Variants in ADAM28 observed in about 807,000 individuals in gnomAD.
The protein encoded by ADAM28 is disintegrin and metalloproteinase domain-containing protein 28.
A neutral mutation model predicts 101.2 loss-of-function variants in ADAM28; 105 were observed. The observed-to-expected ratio is 1.04, with a 90% CI of 0.89 to 1.22. The LOEUF (loss-of-function observed/expected upper bound fraction) is 1.22, where lower values mean the gene tolerates loss of function less well. Ranked by LOEUF, ADAM28 falls within the 50% of genes most tolerant of loss-of-function variation. The pLI is 0.00. For missense variants in ADAM28, 1,028 were observed against 945.4 expected, an observed-to-expected ratio of 1.09 and a Z score of -1.15; for synonymous variants, 322 against 310.6, an observed-to-expected ratio of 1.04 and a Z score of -0.39.
intron 6 of ADAM28, among the ~76,000 whole-genome samples, chr8:24,315,767 A>G (rs1419853991): frequency 6.6e-6 from 1 of 152,020 alleles, no homozygotes; most frequent in Non-Finnish European, 1.5e-5. Flanking sequence ...TCAATAAAAT[A>G]TTAGCAAATC....
chr8:24,308,915 G>C, intron 2 of ADAM28: 1 of 324,226 alleles, frequency 3.1e-6, no homozygotes, highest in Non-Finnish European at 6.1e-6. Context: ...TTGAGCTTAG[G>C]TGCACCACAG....
chr8:24,354,334 A>AT (rs1346401158), intron 22 of ADAM28, 50 bp from the exon 23 acceptor site: 3 of 1,453,624 alleles, frequency 2.1e-6, no homozygotes, highest in African/African-American at 1.5e-5. Flanking sequence ...AATAGTAAAT[A>AT]TCTAAATTTT....
intron 11 of ADAM28, among the ~76,000 whole-genome samples, chr8:24,330,598 A>G (rs1813243325): frequency 6.6e-6 from 1 of 152,152 alleles, no homozygotes; most frequent in South Asian, 2.1e-4. Context: ...TTCTATACAT[A>G]CAGCTCACTC....
rs996228577 is a variant in ADAM28, at chr8:24,355,965, G to C, written c.*1561G>C. The C allele has an allele frequency of 3.9e-5, 6 of 151,984 alleles. No homozygotes were observed. The highest frequency in any genetic ancestry group is 7.4e-5 in the Non-Finnish European group (5 of 67,998). 9.4% of individuals were successfully genotyped at this position (151,984 alleles called of 1,614,324 possible). A position where few individuals can be genotyped will look rare whatever the true frequency, so the allele number is the denominator to read the frequency against. On this transcript the variant is annotated 3_prime_UTR_variant, in exon 23 of 23. Transcript: ENST00000265769. The stretch of plus-strand genomic sequence containing the variant: ...ACCCATTTCTATCAATCACTTACCT[G>C]GTCCCCACAGGCCTGTCGCTTCATG...
intron 6 of ADAM28, 72 bp from the exon 7 acceptor site, chr8:24,320,164 C>T: frequency 1.8e-6 from 2 of 1,109,138 alleles, no homozygotes; most frequent in Admixed American, 4.0e-5. Context: ...TATAAAATTA[C>T]AGATGTCAAA....
chr8:24,339,990 C>T (rs1457062597), intron 15 of ADAM28, among the ~76,000 whole-genome samples: 2 of 152,096 alleles, frequency 1.3e-5, no homozygotes, highest in African/African-American at 4.8e-5. Context: ...AGATGCAGTG[C>T]TTGAACAGTT....
chr8:24,341,790 G>A (rs748221558), intron 16 of ADAM28, 33 bp downstream of exon 16: 1 of 1,612,802 alleles, frequency 6.2e-7, no homozygotes, highest in East Asian at 2.2e-5. Context: ...ACTCAAAATA[G>A]TGTTTTTTAC....
chr8:24,356,260 T>C lies in ADAM28; in HGVS notation c.*1856T>C, dbSNP rs569930817. The C allele has an allele frequency of 6.6e-6, 1 of 152,362 alleles. No individual in the cohort carries two copies. Among genetic ancestry groups the C allele is most frequent in the African/African-American group, 2.4e-5 (1 of 41,586 alleles). The allele number at this position is 152,362 out of a possible 1,614,324, so 9.4% of individuals were successfully genotyped here. A position where few individuals can be genotyped will look rare whatever the true frequency, so the allele number is the denominator to read the frequency against. On this transcript the variant is annotated 3_prime_UTR_variant, in exon 23 of 23. Coordinates refer to ENST00000265769, the MANE Select transcript of ADAM28 (RefSeq NM_014265.6). ...CCATTATGTACTCGTGACCAACTTG[T>C]GAACTTTTCTGTGTTGTTGTTGTTG...
intron 13 of ADAM28, 65 bp from the exon 14 acceptor site, chr8:24,335,381 A>C (rs1281574243): frequency 6.1e-6 from 9 of 1,475,212 alleles, no homozygotes; most frequent in Non-Finnish European, 8.1e-6. Context: ...ATTTGTGTTA[A>C]TTTGAGGTAT....
At chr8:24,309,330 A>C (rs1158281486) in intron 2 of ADAM28, among the ~76,000 whole-genome samples, 2 of 152,150 alleles carry the variant, frequency 1.3e-5, no homozygotes, top group Non-Finnish European at 2.9e-5. Flanking sequence ...AGACTTCAAG[A>C]CCAAAAATCA....
In ADAM28 at chr8:24,323,894, G is replaced by T; in HGVS notation, c.781G>T (p.Asp261Tyr). The T allele has an allele frequency of 6.2e-7, 1 of 1,612,226 alleles. No individual in the cohort carries two copies. The highest frequency in any genetic ancestry group is 1.3e-5 in the African/African-American group (1 of 74,892). Residue 261 changes from aspartate (D) to tyrosine (Y), a missense_variant, in exon 9 of 23, where the codon GAT (aspartate) becomes TAT (tyrosine). Physicochemically the swap from Asp to Tyr is radical, Grantham distance 160 (BLOSUM62 -3). Transcript: ENST00000265769. ...LVGMEIWTDKDKIKITPNASF... is the reference protein window; with the variant it reads ...LVGMEIWTDKYKIKITPNASF... ...TGGTATGGAAATCTGGACTGACAAG[G>T]ATAAGATAAAGATAACCCCAAATGC...
At chr8:24,317,888 G>C (rs898349460) in intron 6 of ADAM28, among the ~76,000 whole-genome samples, 1 of 152,020 alleles carries the variant, frequency 6.6e-6, no homozygotes, top group Non-Finnish European at 1.5e-5. Context: ...GCAGTTGAAA[G>C]ATCTAGGGTA....
In ADAM28 at chr8:24,294,129, G is replaced by A. The variant is rs777401908; in HGVS notation, c.-21G>A. 3.7e-6 allele frequency: 6 copies of A among 1,613,938 alleles called. No individual in the cohort carries two copies. The highest frequency in any genetic ancestry group is 2.2e-5 in the South Asian group (2 of 91,088). On this transcript the variant is annotated 5_prime_UTR_variant, in exon 1 of 23. It adds an upstream start codon to the 5' untranslated region. Transcript: ENST00000265769. ...CACCTGAGCGAGAAGAGCAGACACC[G>A]TGCTCCTGGAATCACCCAGCATGTT... is the stretch of plus-strand genomic sequence containing the variant.
Position 24,355,319 on chromosome 8 carries a change from A to G in ADAM28, c.*915A>G, listed in dbSNP as rs910146833. Reference sequence around the variant, plus strand: ...ATGTAGCAAACACTATTGGTTTCCTACCAAATAATCCCCTTTTTCCTGGCT... The same window carrying G: ...ATGTAGCAAACACTATTGGTTTCCTGCCAAATAATCCCCTTTTTCCTGGCT... On this transcript the variant is annotated 3_prime_UTR_variant, in exon 23 of 23. Transcript: ENST00000265769. The G allele has an allele frequency of 6.6e-6, 1 of 152,098 alleles. No individual in the cohort carries two copies. Among genetic ancestry groups the G allele is most frequent in the Non-Finnish European group, 1.5e-5 (1 of 67,994 alleles). The allele number at this position is 152,098 out of a possible 1,614,324, so 9.4% of individuals were successfully genotyped here. A position where few individuals can be genotyped will look rare whatever the true frequency, so the allele number is the denominator to read the frequency against.
intron 9 of ADAM28, among the ~76,000 whole-genome samples, chr8:24,325,945 G>C (rs1022251655): frequency 6.9e-6 from 1 of 144,404 alleles, no homozygotes; most frequent in Non-Finnish European, 1.5e-5. Context: ...ATTATTGAAG[G>C]TTTATAGAAA....
chr8:24,340,744 T>C (rs575607752), intron 15 of ADAM28: 2 of 152,150 alleles, frequency 1.3e-5, no homozygotes, highest in South Asian at 4.1e-4. Flanking sequence ...CTCTCATATT[T>C]TGAGAGAATA....
At chr8:24,332,813 A>C in intron 13 of ADAM28, 64 bp downstream of exon 13, 1 of 881,194 alleles carries the variant, frequency 1.1e-6, no homozygotes, top group Non-Finnish European at 1.6e-6. Flanking sequence ...CATCTCAGTG[A>C]TTATGTTAAC....
At chr8:24,319,669 A>G (rs1811611289) in intron 6 of ADAM28, among the ~76,000 whole-genome samples, 1 of 151,722 alleles carries the variant, frequency 6.6e-6, no homozygotes, top group Non-Finnish European at 1.5e-5. Flanking sequence ...TCAATCCACT[A>G]TGTAACTTTT....
chr8:24,321,062 G>A (rs963259310), intron 7 of ADAM28, among the ~76,000 whole-genome samples, 156 bp from the exon 8 acceptor site: 1 of 151,890 alleles, frequency 6.6e-6, no homozygotes, highest in African/African-American at 2.4e-5. Flanking sequence ...GTAGCTAGAT[G>A]AATAGGAATT....
Sources: allele counts gnomAD v4.1 joint callset (sites outside exome capture counted in the v4.1 genomes callset), GRCh38; gene constraint gnomAD v4.1.1; transcripts MANE v1.5; gene names NCBI Gene and HGNC (gene_info 2026-07-23, HGNC 2026-07-21).